CHTF8: variants seen among roughly 807,000 people sequenced by gnomAD.
The protein encoded by CHTF8 is chromosome transmission fidelity protein 8 homolog.
In CHTF8, 6 loss-of-function variants were observed where a neutral mutation model predicts 11.0. The ratio of observed to expected loss-of-function variants is 0.55; its 90% CI spans 0.30 to 1.08. The LOEUF (loss-of-function observed/expected upper bound fraction) is 1.08, where lower values mean the gene tolerates loss of function less well. CHTF8 is among the 50% of genes least tolerant of loss of function. The probability of loss-of-function intolerance (pLI) is 0.07; values close to 1 mark genes in which losing one functional copy is unlikely to be tolerated. For synonymous variants in CHTF8, 53 were observed against 60.5 expected (o/e 0.88, Z 0.57); for missense variants, 140 against 153.1 (o/e 0.91, Z 0.45).
chr16:69,126,120 TG>T (rs1257074293), intron 1 of CHTF8, among the ~76,000 whole-genome samples: 1 of 152,172 alleles, frequency 6.6e-6, no homozygotes, highest in East Asian at 1.9e-4. Context: ...TTTTCCTGGA[TG>T]GGTACAAGTG....
chr16:69,119,402 G>A lies in CHTF8; in HGVS notation c.*1023C>T, dbSNP rs1232023616. ...GGCCTTGAGAAATGAGCTGAATTAGGGCCTATGGGGCCAGGAGCCCTTGAC... is the reference window on the plus strand; with the variant it reads ...GGCCTTGAGAAATGAGCTGAATTAGAGCCTATGGGGCCAGGAGCCCTTGAC... On this transcript the variant is annotated 3_prime_UTR_variant, in exon 4 of 4. Coordinates refer to ENST00000448552, the MANE Select transcript of CHTF8 (RefSeq NM_001039690.5). The A allele has an allele frequency of 2.8e-6, 2 of 702,828 alleles. No individual in the cohort carries two copies. Among genetic ancestry groups the A allele is most frequent in the East Asian group, 2.7e-5 (1 of 37,252 alleles). 43.5% of individuals were successfully genotyped at this position (702,828 alleles called of 1,614,324 possible).
intron 1 of CHTF8, among the ~76,000 whole-genome samples, chr16:69,123,945 A>C (rs867424036): frequency 1.3e-4 from 19 of 151,058 alleles, no homozygotes; most frequent in African/African-American, 3.9e-4. Flanking sequence ...AAAAAAAAAA[A>C]AACAAAAAAT....
In CHTF8 at chr16:69,132,569, CT is replaced by C. The variant is rs772949183; in HGVS notation, c.-122del. On this transcript the variant is annotated 5_prime_UTR_variant, in exon 1 of 4. Transcript: ENST00000448552. ...GCCGCCGTCGCCGCCGCCGCGAGCA[CT>C]GCCTGCGCACTTCCGACTATGCGCC... The C allele has an allele frequency of 2.5e-6, 1 of 399,714 alleles. No individual in the cohort carries two copies. The highest frequency in any genetic ancestry group is 1.7e-5 in the South Asian group (1 of 59,676). 24.8% of individuals were successfully genotyped at this position (399,714 alleles called of 1,614,324 possible).
At position 69,120,329 on chromosome 16, in the gene CHTF8, C is replaced by T. The variant is rs1567588185; in HGVS notation, c.*96G>A. 2.5e-6 allele frequency: 3 copies of T among 1,210,574 alleles called. No homozygotes were observed. The Admixed American group carries it at 5.4e-5, about 22-fold the overall frequency. The allele number at this position is 1,210,574 out of a possible 1,614,324, so 75.0% of individuals were successfully genotyped here. On this transcript the variant is annotated 3_prime_UTR_variant, in exon 4 of 4. Coordinates refer to ENST00000448552, the MANE Select transcript of CHTF8 (RefSeq NM_001039690.5). This position sits in a 1 kb window ranked among gnomAD's most constrained non-coding sequence, Gnocchi z 4.0. ...TGGCCTGTGTTCAGAACAGGACCCCCCTGTGGTCCCAGGGAACCGTCGAGC... is the reference window on the plus strand; with the variant it reads ...TGGCCTGTGTTCAGAACAGGACCCCTCTGTGGTCCCAGGGAACCGTCGAGC...
chr16:69,119,506 C>A lies in CHTF8; in HGVS notation c.*919G>T. 1.4e-6 allele frequency: 1 copy of A among 703,020 alleles called. No individual in the cohort carries two copies. Among genetic ancestry groups the A allele is most frequent in the South Asian group, 1.5e-5 (1 of 67,588 alleles). 43.5% of individuals were successfully genotyped at this position (703,020 alleles called of 1,614,324 possible). A position where few individuals can be genotyped will look rare whatever the true frequency, so the allele number is the denominator to read the frequency against. On this transcript the variant is annotated 3_prime_UTR_variant, in exon 4 of 4. Coordinates refer to ENST00000448552, the MANE Select transcript of CHTF8 (RefSeq NM_001039690.5). ...GTTTGGGCCCATGGGGCCAGGTACT[C>A]TTGCCATGGAGGATGGGCTTGTGCC...
chr16:69,130,289 G>A (rs1230887492), intron 1 of CHTF8, among the ~76,000 whole-genome samples: 3 of 151,690 alleles, frequency 2.0e-5, no homozygotes, highest in African/African-American at 7.3e-5. Context: ...TTTTAATAAA[G>A]CTAAACAACG....
chr16:69,126,689 G>A (rs1383556078), intron 1 of CHTF8, among the ~76,000 whole-genome samples: 1 of 152,214 alleles, frequency 6.6e-6, no homozygotes, highest in African/African-American at 2.4e-5. Context: ...CTACAGTTAG[G>A]TAATTTATAC....
chr16:69,128,631 GCA>G (rs1962264351), intron 1 of CHTF8, among the ~76,000 whole-genome samples: 1 of 152,114 alleles, frequency 6.6e-6, no homozygotes, highest in Non-Finnish European at 1.5e-5. Context: ...AAAGGCACCA[GCA>G]TTCAAAGAAT....
Position 69,120,719 on chromosome 16 carries a change from G to A in CHTF8, c.142-70C>T. 3 of 1,350,066 alleles carry A rather than the reference G, an allele frequency of 2.2e-6. No homozygotes were observed. The highest frequency in any genetic ancestry group is 3.1e-6 in the Non-Finnish European group (3 of 964,470). The allele number at this position is 1,350,066 out of a possible 1,614,324, so 83.6% of individuals were successfully genotyped here. A position where few individuals can be genotyped will look rare whatever the true frequency, so the allele number is the denominator to read the frequency against. ...CCATAACACTCAGGCGCCTCCTAAA[G>A]CTGCTCTTGGCAGGCTATGCTGGCA... is the stretch of plus-strand genomic sequence containing the variant. On this transcript the variant is annotated intron_variant, in intron 3 of 3. Transcript: ENST00000448552. The surrounding 1 kb of genome is among the most constrained non-coding windows in gnomAD (Gnocchi z 4.0).
At chr16:69,127,327 G>A (rs908497904) in intron 1 of CHTF8, among the ~76,000 whole-genome samples, 2 of 151,650 alleles carry the variant, frequency 1.3e-5, no homozygotes, top group African/African-American at 4.8e-5. Context: ...AAAAGAGGTG[G>A]GGAAGAAGTA....
rs1369773743 is a variant in CHTF8, at chr16:69,120,569, G to C, written c.222C>G (p.Val74=). 2 of 1,614,028 alleles carry C rather than the reference G, an allele frequency of 1.2e-6. No homozygotes were observed. The highest frequency in any genetic ancestry group is 1.7e-6 in the Non-Finnish European group (2 of 1,180,042). ...AGTCCTGATCCCCAGGAGTGTGTTT[G>C]ACAAGGACTGCAAAAGGTTTCTCCA... is the stretch of plus-strand genomic sequence containing the variant. ...IHLEKPFAVL[V]KHTPGDQDCD... Residue 74 remains valine (V), a synonymous_variant, in exon 4 of 4, where the codon GTC becomes GTG. Coordinates refer to ENST00000448552, the MANE Select transcript of CHTF8 (RefSeq NM_001039690.5). The surrounding 1 kb of genome is among the most constrained non-coding windows in gnomAD (Gnocchi z 4.0).
At position 69,121,207 on chromosome 16, in the gene CHTF8, G is replaced by C. The variant is rs200097399; in HGVS notation, c.24-37C>G. 1,771 of 1,581,440 alleles carry C rather than the reference G, an allele frequency of 1.1e-3. 2 individuals carry two copies. The highest frequency in any genetic ancestry group is 1.3e-3 in the Non-Finnish European group (1,536 of 1,153,152). ...GGGCTGGCGGTTACAATATTTTTGA[G>C]GGGTGAAGGATGAATAGTGTCCTCA... On this transcript the variant is annotated intron_variant, in intron 2 of 3. Coordinates refer to ENST00000448552, the MANE Select transcript of CHTF8 (RefSeq NM_001039690.5).
Position 69,120,473 on chromosome 16 carries a change from G to C in CHTF8, c.318C>G (p.Phe106Leu), listed in dbSNP as rs780878878. Residue 106 changes from phenylalanine to leucine, a missense_variant, in exon 4 of 4, where the codon TTC (phenylalanine) becomes TTG (leucine). Phe to Leu is a conservative substitution (Grantham distance 22, BLOSUM62 0). Transcript: ENST00000448552. This position sits in a 1 kb window ranked among gnomAD's most constrained non-coding sequence, Gnocchi z 4.0. ...VTALIKDKIL[F>L]KTRPKPIITS... ...TGATAATGGGCTTGGGGCGGGTTTTGAAAAGGATCTTGTCTTTGATGAGTG... is the reference window on the plus strand; with the variant it reads ...TGATAATGGGCTTGGGGCGGGTTTTCAAAAGGATCTTGTCTTTGATGAGTG... The C allele has an allele frequency of 6.2e-7, 1 of 1,614,146 alleles. No homozygotes were observed. Among genetic ancestry groups the C allele is most frequent in the Admixed American group, 1.7e-5 (1 of 60,028 alleles).
chr16:69,125,196 G>A (rs531720535), intron 1 of CHTF8, among the ~76,000 whole-genome samples: 8 of 152,120 alleles, frequency 5.3e-5, no homozygotes, highest in South Asian at 4.2e-4. Flanking sequence ...GAGTCATTGC[G>A]CCCGGCCAAC....
intron 2 of CHTF8, 29 bp from the exon 3 acceptor site, chr16:69,121,199 A>G: frequency 1.3e-6 from 2 of 1,592,890 alleles, no homozygotes; most frequent in Non-Finnish European, 8.6e-7. Flanking sequence ...CGGTTACAAT[A>G]TTTTTGAGGG....
At chr16:69,125,642 C>T (rs185261617) in intron 1 of CHTF8, among the ~76,000 whole-genome samples, 117 of 152,340 alleles carry the variant, frequency 7.7e-4, no homozygotes, top group African/African-American at 2.6e-3. Context: ...TGTGGGACCA[C>T]TGGAAAAGGG....
Position 69,120,135 on chromosome 16 carries a change from A to T in CHTF8, c.*290T>A, listed in dbSNP as rs1203354965. The T allele has an allele frequency of 8.6e-6, 6 of 701,210 alleles. No homozygotes were observed. The highest frequency in any genetic ancestry group is 7.8e-6 in the Non-Finnish European group (3 of 384,916). The allele number at this position is 701,210 out of a possible 1,614,324, so 43.4% of individuals were successfully genotyped here. On this transcript the variant is annotated 3_prime_UTR_variant, in exon 4 of 4. Transcript: ENST00000448552. This position sits in a 1 kb window ranked among gnomAD's most constrained non-coding sequence, Gnocchi z 4.0. ...TGCCAGTGGGATTCATCCCTCTTGGAAAAGAAGCCATACTTGGGTCACGAG... is the reference window on the plus strand; with the variant it reads ...TGCCAGTGGGATTCATCCCTCTTGGTAAAGAAGCCATACTTGGGTCACGAG...
At chr16:69,122,957 G>T (rs1011581270) in intron 1 of CHTF8, among the ~76,000 whole-genome samples, 3 of 152,084 alleles carry the variant, frequency 2.0e-5, no homozygotes, top group African/African-American at 7.2e-5. Flanking sequence ...GGGATTACAG[G>T]CATTAGCCAC....
rs1438977685 is a variant in CHTF8 at position 69,118,672 on chromosome 16, G to A, written c.*1753C>T. 3 of 680,844 alleles carry A rather than the reference G, an allele frequency of 4.4e-6. No individual in the cohort carries two copies. Among genetic ancestry groups the A allele is most frequent in the Non-Finnish European group, 8.0e-6 (3 of 374,358 alleles). 42.2% of individuals were successfully genotyped at this position (680,844 alleles called of 1,614,324 possible). ...TATTCCCACCTGCCACAGTTCACAT[G>A]CCACAAATAACATCTCACCTTCAGT... On this transcript the variant is annotated 3_prime_UTR_variant, in exon 4 of 4. Coordinates refer to ENST00000448552, the MANE Select transcript of CHTF8 (RefSeq NM_001039690.5).
Sources: allele counts gnomAD v4.1 joint callset (sites outside exome capture counted in the v4.1 genomes callset), GRCh38; gene constraint gnomAD v4.1.1; non-coding constraint Gnocchi (gnomAD v3.1); transcripts MANE v1.5; gene names NCBI Gene and HGNC (gene_info 2026-07-23, HGNC 2026-07-21).